The following EMC3 variants were observed in gnomAD, a reference collection of about 807,000 sequenced individuals.
The protein encoded by EMC3 is 30 kDa protein.
Under a neutral mutation model 36.6 loss-of-function variants are expected in EMC3, and 13 were observed. That is an observed-to-expected ratio of 0.35 (90% confidence interval 0.23 to 0.56). The LOEUF (loss-of-function observed/expected upper bound fraction) is 0.56, where lower values mean the gene tolerates loss of function less well. EMC3 is among the 20% of genes least tolerant of loss of function. EMC3 has a pLI of 0.84. For synonymous variants in EMC3, 120 were observed against 111.9 expected (o/e 1.07, Z -0.46); for missense variants, 220 against 324.5 (o/e 0.68, Z 2.47).
At chr3:10,002,585 C>T in intron 1 of EMC3, 1 of 356,310 alleles carries the variant, frequency 2.8e-6, no homozygotes, top group South Asian at 2.1e-5. Flanking sequence ...CGCGCCAAGC[C>T]TTGCCTTTAT....
chr3:9,974,757 A>G (rs2085826251), intron 3 of EMC3, among the ~76,000 whole-genome samples: 2 of 150,046 alleles, frequency 1.3e-5, no homozygotes, highest in Admixed American at 1.3e-4. Context: ...ACGGGGTTTC[A>G]CCGTGTCAGC....
At position 9,970,111 on chromosome 3, in the gene EMC3, C is replaced by T. The variant is rs528430901; in HGVS notation, c.575-310G>A. The stretch of plus-strand genomic sequence containing the variant: ...ACTAAGTGCTTTGCATATTTTTCCT[C>T]ATCTGTTCCTAACAACCCCACAGGT... On this transcript the variant is annotated intron_variant, in intron 6 of 7. Transcript: ENST00000245046. Among the ~76,000 whole-genome samples the T allele has an allele frequency of 3.5e-3, 534 of 152,322 alleles. 12 individuals are homozygous for T. In the South Asian group the frequency reaches 0.047, roughly 13 times the overall value.
intron 1 of EMC3, among the ~76,000 whole-genome samples, chr3:9,997,515 A>T (rs1575698472): frequency 6.6e-6 from 1 of 152,274 alleles, no homozygotes; most frequent in Non-Finnish European, 1.5e-5. Context: ...GCTGGAGCGC[A>T]GTGGCACGAT....
At chr3:9,987,250 G>A (rs2124921629), upstream of EMC3, 4 of 984,980 alleles carry the variant, frequency 4.1e-6, no homozygotes, top group Admixed American at 6.2e-5. Context: ...AACTACAGGC[G>A]GGGACGGCTT....
chr3:10,000,880 C>A, intron 1 of EMC3: 1 of 475,736 alleles, frequency 2.1e-6, no homozygotes, highest in Non-Finnish European at 4.2e-6. Flanking sequence ...GTGCTTGCCT[C>A]CCTTTTCCAC....
chr3:9,998,479 C>T lies in EMC3; in HGVS notation c.-241-11577G>A, dbSNP rs916155821. Among the ~76,000 whole-genome samples the T allele has an allele frequency of 3.3e-5, 5 of 150,930 alleles. No individual in the cohort carries two copies. In the East Asian group the frequency reaches 7.8e-4, roughly 23 times the overall value. ...GGATCTTGCTCTGTCACCCAGGCTGCAGTGCAGTGGCGTGATCATAGTTCA... is the reference window on the plus strand; with the variant it reads ...GGATCTTGCTCTGTCACCCAGGCTGTAGTGCAGTGGCGTGATCATAGTTCA... On this transcript the variant is annotated intron_variant, in intron 1 of 8. Transcript: ENST00000470827.
intron 1 of EMC3, among the ~76,000 whole-genome samples, chr3:9,985,739 CAA>C (rs987635325): frequency 2.9e-4 from 44 of 151,968 alleles, no homozygotes; most frequent in African/African-American, 1.0e-3. Flanking sequence ...ACTAAAAATA[CAA>C]AAATTAGTCA....
chr3:9,997,650 G>C (rs771088430), intron 1 of EMC3, among the ~76,000 whole-genome samples: 2 of 151,936 alleles, frequency 1.3e-5, no homozygotes, highest in Non-Finnish European at 2.9e-5. Flanking sequence ...AGTCGAGTTG[G>C]GGTTTCATCA....
upstream of EMC3, chr3:9,987,075 C>A (rs1203803165): frequency 7.9e-6 from 7 of 885,510 alleles, no homozygotes; most frequent in Non-Finnish European, 9.5e-6. Flanking sequence ...ATTAGCCAGG[C>A]GTGGTGGAGG....
chr3:9,963,479 T>TATATATA lies in EMC3; in HGVS notation c.*589_*590insTATATAT, dbSNP rs1559347910. ...GATATATATATATATATATATATAT[T>TATATATA]TTTTTTTTTTTTTCAGATGGAGTTT... is the stretch of plus-strand genomic sequence containing the variant. On this transcript the variant is annotated 3_prime_UTR_variant, in exon 8 of 8. Coordinates refer to ENST00000245046, the MANE Select transcript of EMC3 (RefSeq NM_001394674.1). 1.1e-4 allele frequency: 5 copies of TATATATA among 43,806 alleles called. No individual in the cohort carries two copies. The highest frequency in any genetic ancestry group is 3.1e-4 in the African/African-American group (4 of 12,922). 2.7% of individuals were successfully genotyped at this position (43,806 alleles called of 1,614,324 possible).
At chr3:10,000,625 G>A (rs2086187215) in intron 1 of EMC3, 1 of 463,514 alleles carries the variant, frequency 2.2e-6, no homozygotes, top group Non-Finnish European at 4.3e-6. Context: ...TAATAAATAA[G>A]GCAGTGGCCA....
intron 1 of EMC3, among the ~76,000 whole-genome samples, chr3:9,980,842 C>A (rs577659131): frequency 1.3e-5 from 2 of 152,254 alleles, no homozygotes; most frequent in Non-Finnish European, 2.9e-5. Context: ...GTGACCTTGT[C>A]TTACACTGTA....
chr3:9,968,291 T>C (rs1414525941), intron 7 of EMC3, among the ~76,000 whole-genome samples: 1 of 152,214 alleles, frequency 6.6e-6, no homozygotes, highest in Non-Finnish European at 1.5e-5. Flanking sequence ...ATAAAATTGT[T>C]TTCCTTTCAT....
upstream of EMC3, chr3:9,988,333 A>T: frequency 1.2e-6 from 1 of 838,270 alleles, no homozygotes; most frequent in Non-Finnish European, 2.1e-6. Flanking sequence ...CTTTTCTGGT[A>T]GGTAGAAGAG....
intron 1 of EMC3, among the ~76,000 whole-genome samples, chr3:9,992,181 C>G (rs936179953): frequency 2.6e-5 from 4 of 152,086 alleles, no homozygotes; most frequent in African/African-American, 9.7e-5. Flanking sequence ...AGTGCAGTGG[C>G]ACAATCTCGG....
intron 1 of EMC3, among the ~76,000 whole-genome samples, chr3:9,997,585 G>C (rs1032505690): frequency 6.6e-6 from 1 of 152,106 alleles, no homozygotes; most frequent in Non-Finnish European, 1.5e-5. Context: ...TCAGCCTCCT[G>C]AGTAGCTGTG....
chr3:9,981,410 T>C (rs1018639348), intron 1 of EMC3, among the ~76,000 whole-genome samples: 2 of 152,200 alleles, frequency 1.3e-5, no homozygotes, highest in African/African-American at 4.8e-5. Context: ...AAATAAGCAA[T>C]CTTAAATTAT....
chr3:10,003,349 G>C, intron 1 of EMC3: 2 of 379,346 alleles, frequency 5.3e-6, no homozygotes, highest in Non-Finnish European at 1.0e-5. Context: ...GTTTTTGCCT[G>C]TGTCCACCGC....
chr3:9,998,413 CT>C (rs1332283524), intron 1 of EMC3, among the ~76,000 whole-genome samples: 1 of 116,714 alleles, frequency 8.6e-6, no homozygotes, highest in African/African-American at 2.8e-5. Context: ...AATAATTTTG[CT>C]TTTAATGAAT....
Sources: allele counts gnomAD v4.1 joint callset (sites outside exome capture counted in the v4.1 genomes callset), GRCh38; gene constraint gnomAD v4.1.1; transcripts MANE v1.5; gene names NCBI Gene and HGNC (gene_info 2026-07-23, HGNC 2026-07-21).